The following CFAP47 variants were observed in gnomAD, a reference collection of about 807,000 sequenced individuals.
CFAP47 encodes cilia and flagella associated protein 47.
A neutral mutation model predicts 148.1 loss-of-function variants in CFAP47; 29 were observed. The ratio of observed to expected loss-of-function variants is 0.20; its 90% CI spans 0.15 to 0.27. The LOEUF is 0.27. Among genes scored for constraint, CFAP47 ranks in the 10% least tolerant of loss-of-function variants. The pLI is 1.00. For synonymous variants in CFAP47, 664 were observed against 577.3 expected, an observed-to-expected ratio of 1.15 and a Z score of -2.15; for missense variants, 1,872 against 1,697.5, an observed-to-expected ratio of 1.10 and a Z score of -1.81.
At chrX:36,089,681 T>G (rs1041982982) in intron 30 of CFAP47, among the ~76,000 whole-genome samples, 3 of 111,774 alleles carry the variant, frequency 2.7e-5, no homozygotes, top group Non-Finnish European at 5.6e-5. Context: ...ATTCCATAAC[T>G]AACTTGGTTG....
At chrX:36,171,616 G>A (rs990325669) in intron 39 of CFAP47, among the ~76,000 whole-genome samples, 2 of 110,774 alleles carry the variant, frequency 1.8e-5, no homozygotes, top group Non-Finnish European at 3.8e-5. Flanking sequence ...GTAGATATGT[G>A]GCGTTATTTC....
chrX:36,069,741 A>G (rs1937711987), intron 27 of CFAP47, among the ~76,000 whole-genome samples: 1 of 111,042 alleles, frequency 9.0e-6, no homozygotes, highest in Non-Finnish European at 1.9e-5. Context: ...AGCTTATCCC[A>G]GGGAATTCTA....
intron 22 of CFAP47, among the ~76,000 whole-genome samples, chrX:36,017,935 A>G (rs190089975): frequency 7.1e-4 from 79 of 110,653 alleles, no homozygotes; most frequent in African/African-American, 2.5e-3. Context: ...GATTAGATTG[A>G]CTCTGTAGAT....
intron 57 of CFAP47, among the ~76,000 whole-genome samples, chrX:36,346,062 T>C (rs1473605980): frequency 8.9e-6 from 1 of 111,946 alleles, no homozygotes; most frequent in Admixed American, 9.6e-5. Flanking sequence ...AATCCTCTAT[T>C]ATCTTGTAAA....
At chrX:36,377,903 G>A (rs150850191) in intron 62 of CFAP47, among the ~76,000 whole-genome samples, 33 of 112,080 alleles carry the variant, frequency 2.9e-4, no homozygotes, top group African/African-American at 1.1e-3. Context: ...CACTAAAGTA[G>A]GGAAAAGTTA....
chrX:36,242,591 A>G (rs1189149887), intron 48 of CFAP47, among the ~76,000 whole-genome samples: 1 of 112,289 alleles, frequency 8.9e-6, no homozygotes, highest in African/African-American at 3.2e-5. Flanking sequence ...TCATAGCTCA[A>G]AGATGTTCTT....
At chrX:35,930,129 T>G (rs2146618910) in intron 2 of CFAP47, among the ~76,000 whole-genome samples, 1 of 111,893 alleles carries the variant, frequency 8.9e-6, no homozygotes, top group Admixed American at 9.5e-5. Context: ...TTGCTAAGAG[T>G]TTTTATTATA....
At chrX:36,232,580 A>AT (rs1213943783) in intron 46 of CFAP47, among the ~76,000 whole-genome samples, 38 of 111,162 alleles carry the variant, frequency 3.4e-4, no homozygotes, top group Non-Finnish European at 6.0e-4. Context: ...GGATTCATTA[A>AT]TTTTTTAAAG....
intron 57 of CFAP47, among the ~76,000 whole-genome samples, chrX:36,336,202 G>C (rs782566004): frequency 3.0e-5 from 3 of 101,206 alleles, no homozygotes; most frequent in South Asian, 4.7e-4. Flanking sequence ...CTGTCTGTCT[G>C]TCTGTCTCTC....
chrX:36,275,415 C>CGTGT (rs35781816), intron 49 of CFAP47, among the ~76,000 whole-genome samples: 4,518 of 87,660 alleles, frequency 0.052, 150 homozygotes, highest in Middle Eastern at 0.11. Flanking sequence ...GTGAGATCGT[C>CGTGT]GTGTGTGTGT....
At chrX:35,999,347 C>T (rs1936886942) in intron 19 of CFAP47, among the ~76,000 whole-genome samples, 1 of 111,874 alleles carries the variant, frequency 8.9e-6, no homozygotes, top group Admixed American at 9.5e-5. Flanking sequence ...CACTAAGAAA[C>T]TCCATGGTAT....
chrX:36,359,853 C>A (rs1347149898), intron 60 of CFAP47, among the ~76,000 whole-genome samples: 1 of 111,120 alleles, frequency 9.0e-6, no homozygotes, highest in Non-Finnish European at 1.9e-5. Flanking sequence ...CGGGTTCACA[C>A]CATTCTTGTG....
At chrX:36,132,707 G>A (rs185055621) in intron 33 of CFAP47, among the ~76,000 whole-genome samples, 178 of 111,842 alleles carry the variant, frequency 1.6e-3, no homozygotes, top group African/African-American at 4.7e-3. Context: ...TTGAAGTTTT[G>A]TCTTTACTTT....
At chrX:36,032,584 T>A (rs751667587) in intron 23 of CFAP47, among the ~76,000 whole-genome samples, 11 of 111,163 alleles carry the variant, frequency 9.9e-5, no homozygotes, top group African/African-American at 2.6e-4. Context: ...TTTAAAATTT[T>A]AAAAAATATG....
intron 53 of CFAP47, among the ~76,000 whole-genome samples, chrX:36,301,736 C>G (rs1161258447): frequency 9.0e-6 from 1 of 110,553 alleles, no homozygotes; most frequent in Non-Finnish European, 1.9e-5. Context: ...GCAAACTTTC[C>G]TCAAGGTGAA....
At chrX:36,309,145 T>C (rs1318536334) in intron 55 of CFAP47, among the ~76,000 whole-genome samples, 1 of 111,476 alleles carries the variant, frequency 9.0e-6, no homozygotes, top group Non-Finnish European at 1.9e-5. Flanking sequence ...GGTTTTCAGA[T>C]GCTTCCTTTT....
chrX:36,215,022 A>T (rs1940144434), intron 45 of CFAP47, among the ~76,000 whole-genome samples: 1 of 111,721 alleles, frequency 9.0e-6, no homozygotes. Context: ...ACATAATTGT[A>T]TGTGCTAGGC....
At chrX:36,270,103 A>T (rs1460430524) in intron 49 of CFAP47, among the ~76,000 whole-genome samples, 1 of 111,880 alleles carries the variant, frequency 8.9e-6, no homozygotes, top group Non-Finnish European at 1.9e-5. Flanking sequence ...GGCAATTAAA[A>T]ATATAGCTGC....
chrX:36,146,331 T>C (rs994687661), intron 36 of CFAP47, among the ~76,000 whole-genome samples: 2 of 109,328 alleles, frequency 1.8e-5, no homozygotes, highest in Admixed American at 9.6e-5. Flanking sequence ...TTTAAGTAGT[T>C]AATATTAATG....
Sources: allele counts gnomAD v4.1 joint callset (sites outside exome capture counted in the v4.1 genomes callset), GRCh38; gene constraint gnomAD v4.1.1; transcripts MANE v1.5; gene names NCBI Gene and HGNC (gene_info 2026-07-23, HGNC 2026-07-21).